The following TMCC1 variants were observed in gnomAD, a reference collection of about 807,000 sequenced individuals.
TMCC1 encodes the protein transmembrane and coiled-coil domain family 1.
TMCC1 carries 15 observed loss-of-function variants against 52.4 expected under a neutral mutation model. The observed-to-expected ratio is 0.29, with a 90% CI of 0.19 to 0.44. The LOEUF (loss-of-function observed/expected upper bound fraction) is 0.44. Ranked by LOEUF, TMCC1 falls within the 20% of genes least tolerant of loss-of-function variation. The pLI is 1.00. For missense variants in TMCC1, 503 were observed against 806.0 expected, an observed-to-expected ratio of 0.62 and a Z score of 4.55; for synonymous variants, 279 against 301.9, an observed-to-expected ratio of 0.92 and a Z score of 0.79.
At chr3:129,664,918 A>C (rs190112982) in intron 5 of TMCC1, among the ~76,000 whole-genome samples, 1 of 152,316 alleles carries the variant, frequency 6.6e-6, no homozygotes, top group Non-Finnish European at 1.5e-5. Flanking sequence ...TATCTTTCTG[A>C]GCTTCAGTGT....
intron 2 of TMCC1, among the ~76,000 whole-genome samples, chr3:129,877,624 C>CTTTTT (rs760525326): frequency 7.9e-6 from 1 of 126,926 alleles, no homozygotes; most frequent in Non-Finnish European, 1.6e-5. Flanking sequence ...ATCCCTAAGT[C>CTTTTT]TTTTTTTTTT....
intron 4 of TMCC1, among the ~76,000 whole-genome samples, chr3:129,682,578 C>A (rs2089084144): frequency 1.3e-5 from 2 of 152,294 alleles, no homozygotes; most frequent in East Asian, 3.9e-4. Context: ...GTGATACCCT[C>A]TCCAAGCTTC....
intron 1 of TMCC1, among the ~76,000 whole-genome samples, chr3:129,887,412 T>A (rs1255716984): frequency 2.0e-5 from 3 of 151,584 alleles, no homozygotes; most frequent in Admixed American, 2.0e-4. Flanking sequence ...CATGGTGGCA[T>A]GAGCCTGTAG....
intron 2 of TMCC1, among the ~76,000 whole-genome samples, chr3:129,837,165 G>A (rs370234695): frequency 1.3e-5 from 2 of 152,038 alleles, no homozygotes; most frequent in African/African-American, 4.8e-5. Context: ...CATAGCAGTT[G>A]GGAAAAAGAA....
intron 4 of TMCC1, among the ~76,000 whole-genome samples, chr3:129,792,462 G>A (rs1474313180): frequency 1.3e-5 from 2 of 151,756 alleles, no homozygotes; most frequent in African/African-American, 2.4e-5. Context: ...ATTCTCCTGC[G>A]TCGTCAGCCT....
rs1038490217 is a variant in TMCC1, at chr3:129,807,678, G to A, written c.576+20125C>T. On this transcript the variant is annotated intron_variant, in intron 4 of 6. Transcript: ENST00000393238. The stretch of plus-strand genomic sequence containing the variant: ...GGCACCAGATTTTTTGTCAATACTG[G>A]AAGCTAAAAGCTAACAATACAAGAA... 2.6e-5 allele frequency among the ~76,000 whole-genome samples: 4 copies of A among 152,154 alleles called. No individual in the cohort carries two copies. The South Asian group carries it at 8.3e-4, about 31-fold the overall frequency.
chr3:129,728,867 T>C (rs538442990), intron 4 of TMCC1, among the ~76,000 whole-genome samples: 9 of 152,320 alleles, frequency 5.9e-5, no homozygotes, highest in East Asian at 3.9e-4. Context: ...ACAATGTCTT[T>C]GAGATGCATA....
At chr3:129,761,510 T>A (rs2053595849) in intron 4 of TMCC1, among the ~76,000 whole-genome samples, 1 of 151,914 alleles carries the variant, frequency 6.6e-6, no homozygotes, top group Admixed American at 6.6e-5. Context: ...CTGGGCTCGA[T>A]TTAGTTTTAA....
chr3:129,729,672 A>T (rs772286364), intron 4 of TMCC1, among the ~76,000 whole-genome samples: 2 of 152,168 alleles, frequency 1.3e-5, no homozygotes, highest in Non-Finnish European at 2.9e-5. Context: ...AAAAATAATA[A>T]AATGAAAATA....
At chr3:129,821,093 G>A (rs913279102) in intron 4 of TMCC1, among the ~76,000 whole-genome samples, 1 of 152,032 alleles carries the variant, frequency 6.6e-6, no homozygotes, top group African/African-American at 2.4e-5. Flanking sequence ...AAAATTACTT[G>A]GCAGATTACC....
intron 4 of TMCC1, among the ~76,000 whole-genome samples, chr3:129,758,077 C>A (rs1265320826): frequency 1.3e-5 from 2 of 152,144 alleles, no homozygotes; most frequent in Non-Finnish European, 2.9e-5. Context: ...TGGCTGGAAA[C>A]TGTAAGACTG....
intron 4 of TMCC1, among the ~76,000 whole-genome samples, chr3:129,753,511 G>A (rs1338671770): frequency 1.3e-5 from 2 of 152,082 alleles, no homozygotes; most frequent in Non-Finnish European, 2.9e-5. Flanking sequence ...ACAACCAAGT[G>A]GGATTCATCC....
At chr3:129,717,121 G>T (rs2049168974) in intron 4 of TMCC1, among the ~76,000 whole-genome samples, 1 of 152,110 alleles carries the variant, frequency 6.6e-6, no homozygotes, top group Non-Finnish European at 1.5e-5. Flanking sequence ...TCCTACTGCA[G>T]TGTAACTCAT....
At chr3:129,690,771 G>A (rs931714233) in intron 4 of TMCC1, among the ~76,000 whole-genome samples, 4 of 152,050 alleles carry the variant, frequency 2.6e-5, no homozygotes, top group Non-Finnish European at 5.9e-5. Context: ...GAGTTGTCTG[G>A]GCCTAAAGCA....
chr3:129,844,685 C>T (rs1287105153), intron 2 of TMCC1, among the ~76,000 whole-genome samples: 1 of 152,172 alleles, frequency 6.6e-6, no homozygotes, highest in Non-Finnish European at 1.5e-5. Flanking sequence ...ATCTTTTCAT[C>T]TGAAATCCAA....
At chr3:129,883,690 T>G (rs1369239060) in intron 1 of TMCC1, among the ~76,000 whole-genome samples, 3 of 152,058 alleles carry the variant, frequency 2.0e-5, no homozygotes, top group Non-Finnish European at 4.4e-5. Context: ...AAAAAATATA[T>G]TTTTTGGGCT....
intron 4 of TMCC1, among the ~76,000 whole-genome samples, chr3:129,811,296 A>ACT (rs1264587002): frequency 6.6e-6 from 1 of 152,038 alleles, no homozygotes; most frequent in Non-Finnish European, 1.5e-5. Context: ...ATAGGATATC[A>ACT]CTCTGTTGCC....
rs576230896 is a variant in TMCC1 at position 129,661,863 on chromosome 3, A to C, written c.1512-6760T>G. On this transcript the variant is annotated intron_variant, in intron 5 of 6. Transcript: ENST00000393238. ...ATGCAAATAACGAAAGGAAAAAAAA[A>C]CCTGTATTCTAGTTCCCACTGACTT... Among the ~76,000 whole-genome samples the C allele has an allele frequency of 7.2e-5, 11 of 152,250 alleles. No homozygotes were observed. In the East Asian group the frequency reaches 9.7e-4, roughly 13 times the overall value.
intron 4 of TMCC1, among the ~76,000 whole-genome samples, chr3:129,809,602 C>T (rs187947762): frequency 1.3e-5 from 2 of 150,804 alleles, no homozygotes; most frequent in Admixed American, 1.3e-4. Flanking sequence ...AAGCCACAGA[C>T]AGTAAATGAT....
Sources: allele counts gnomAD v4.1 joint callset (sites outside exome capture counted in the v4.1 genomes callset), GRCh38; gene constraint gnomAD v4.1.1; transcripts MANE v1.5; gene names NCBI Gene and HGNC (gene_info 2026-07-23, HGNC 2026-07-21).